PLCE1: variants seen among roughly 807,000 people sequenced by gnomAD.
PLCE1 encodes the protein 1-phosphatidylinositol 4,5-bisphosphate phosphodiesterase epsilon-1.
PLCE1 carries 119 observed loss-of-function variants against 242.8 expected under a neutral mutation model. The ratio of observed to expected loss-of-function variants is 0.49; its 90% CI spans 0.42 to 0.57. PLCE1 has a LOEUF of 0.57. PLCE1 is among the 20% of genes least tolerant of loss of function. PLCE1 has a pLI of 0.00. For synonymous variants in PLCE1, 945 were observed against 1,017.4 expected (o/e 0.93, Z 1.35); for missense variants, 2,441 against 2,788.8 (o/e 0.88, Z 2.81).
chr10:94,080,987 G>T (rs2044637850), intron 2 of PLCE1, among the ~76,000 whole-genome samples: 1 of 152,176 alleles, frequency 6.6e-6, no homozygotes, highest in Non-Finnish European at 1.5e-5. Context: ...ATTGCCACAT[G>T]AATTGTTGGA....
In PLCE1 at chr10:94,171,462, A is replaced by G. The variant is rs2047975328; in HGVS notation, c.1775A>G (p.Asn592Ser). ...CTTACCACTCAGAATGGAGAGCACA[A>G]TGCCCTTGAAGATCTGGTGATGAGG... ...SILTTQNGEHNALEDLVMRFN... is the reference protein window; with the variant it reads ...SILTTQNGEHSALEDLVMRFN... Residue 592 changes from asparagine to serine, a missense_variant, in exon 4 of 33, where the codon AAT becomes AGT. Around this residue, in one of 5 missense-constraint regions of PLCE1, gnomAD observed 733 missense variants for 754.2 expected, o/e 0.97. Coordinates refer to ENST00000371380, the MANE Select transcript of PLCE1 (RefSeq NM_016341.4). 6.2e-7 allele frequency: 1 copy of G among 1,614,170 alleles called. No individual in the cohort carries two copies.
intron 11 of PLCE1, 83 bp from the exon 12 acceptor site, chr10:94,258,717 T>C: frequency 6.4e-7 from 1 of 1,550,902 alleles, no homozygotes; most frequent in Non-Finnish European, 8.9e-7. Flanking sequence ...TTTGCTCATA[T>C]TGCTAATTGG....
chr10:94,208,486 C>G (rs983677363), intron 4 of PLCE1, among the ~76,000 whole-genome samples: 5 of 152,204 alleles, frequency 3.3e-5, no homozygotes, highest in African/African-American at 1.2e-4. Flanking sequence ...GTCCCCCGAC[C>G]AGCACATCAG....
intron 2 of PLCE1, among the ~76,000 whole-genome samples, chr10:94,103,617 T>G (rs1459879407): frequency 6.6e-6 from 1 of 152,210 alleles, no homozygotes; most frequent in Non-Finnish European, 1.5e-5. Context: ...AACTGCATGT[T>G]CTGCACATGT....
chr10:94,178,011 C>A (rs1398300341), intron 4 of PLCE1, among the ~76,000 whole-genome samples: 1 of 152,220 alleles, frequency 6.6e-6, no homozygotes, highest in Non-Finnish European at 1.5e-5. Flanking sequence ...TTAATATGTC[C>A]TTTGCTCTTG....
At chr10:94,166,538 C>G (rs2047808185) in intron 3 of PLCE1, among the ~76,000 whole-genome samples, 2 of 151,494 alleles carry the variant, frequency 1.3e-5, no homozygotes, top group Admixed American at 6.6e-5. Flanking sequence ...GGTATTCCTG[C>G]CTAACTCTTC....
At chr10:94,126,702 G>C (rs1590078573) in intron 2 of PLCE1, among the ~76,000 whole-genome samples, 1 of 152,144 alleles carries the variant, frequency 6.6e-6, no homozygotes, top group Admixed American at 6.5e-5. Flanking sequence ...TATTAACCTT[G>C]AGTTTCTCTC....
At chr10:94,070,258 C>T (rs2044313622) in intron 2 of PLCE1, among the ~76,000 whole-genome samples, 1 of 152,130 alleles carries the variant, frequency 6.6e-6, no homozygotes, top group Non-Finnish European at 1.5e-5. Context: ...TGCAATCAAT[C>T]AATAATCCCT....
intron 13 of PLCE1, among the ~76,000 whole-genome samples, chr10:94,260,898 T>G (rs1174268172): frequency 6.6e-6 from 1 of 152,108 alleles, no homozygotes; most frequent in Non-Finnish European, 1.5e-5. Flanking sequence ...TCCAATATAC[T>G]CTCTTCTACT....
At chr10:94,121,402 C>T (rs1225832124) in intron 2 of PLCE1, among the ~76,000 whole-genome samples, 1 of 152,116 alleles carries the variant, frequency 6.6e-6, no homozygotes, top group East Asian at 1.9e-4. Flanking sequence ...CTTCAGAATG[C>T]TACCAAATAG....
chr10:94,287,748 T>C (rs1029102167), intron 22 of PLCE1, among the ~76,000 whole-genome samples: 50 of 152,046 alleles, frequency 3.3e-4, no homozygotes, highest in African/African-American at 9.6e-4. Flanking sequence ...AAAAAGGATA[T>C]GGTATTTTTA....
At chr10:94,067,569 T>C (rs546415159) in intron 2 of PLCE1, among the ~76,000 whole-genome samples, 4 of 152,284 alleles carry the variant, frequency 2.6e-5, no homozygotes, top group African/African-American at 9.6e-5. Context: ...GCTGGTGATA[T>C]TTACAAAAGT....
chr10:94,125,594 C>T (rs962261934), intron 2 of PLCE1, among the ~76,000 whole-genome samples: 10 of 152,074 alleles, frequency 6.6e-5, no homozygotes, highest in African/African-American at 2.2e-4. Flanking sequence ...TAGAGCTGTT[C>T]TGCGGTTTAA....
chr10:94,255,866 C>G (rs2051053525), intron 11 of PLCE1, among the ~76,000 whole-genome samples: 1 of 143,652 alleles, frequency 7.0e-6, no homozygotes, highest in Non-Finnish European at 1.5e-5. Flanking sequence ...AACAGGAACT[C>G]TTTACTTTAT....
chr10:94,127,195 C>A (rs1844683406), intron 2 of PLCE1, among the ~76,000 whole-genome samples: 1 of 152,206 alleles, frequency 6.6e-6, no homozygotes, highest in Admixed American at 6.5e-5. Flanking sequence ...AAAGGACTCC[C>A]AAAACGTACC....
intron 4 of PLCE1, among the ~76,000 whole-genome samples, chr10:94,187,251 AACATGGGCATTAAATTCT>A (rs1371383317): frequency 6.6e-6 from 1 of 151,870 alleles, no homozygotes; most frequent in Non-Finnish European, 1.5e-5. Flanking sequence ...TGAATAAAGA[AACATGGGCATTAAATTCT>A]GGTTTGTTGG....
At chr10:94,230,171 G>T (rs955340967) in intron 5 of PLCE1, among the ~76,000 whole-genome samples, 10 of 152,068 alleles carry the variant, frequency 6.6e-5, no homozygotes, top group Admixed American at 3.9e-4. Context: ...CCACTAGTAA[G>T]AAGTACAAAT....
rs577345730 is a variant in PLCE1, at chr10:94,292,440, C to T, written c.5036-1068C>T. Among the ~76,000 whole-genome samples the T allele has an allele frequency of 5.9e-5, 9 of 152,202 alleles. No homozygotes were observed. In the South Asian group the frequency reaches 1.2e-3, roughly 21 times the overall value. On this transcript the variant is annotated intron_variant, in intron 22 of 32. Transcript: ENST00000371380. ...AGTATGATACAAATATTCCAAAATCCGAAGAAATCTGAAATCTGAAACACT... is the reference window on the plus strand; with the variant it reads ...AGTATGATACAAATATTCCAAAATCTGAAGAAATCTGAAATCTGAAACACT...
chr10:94,149,780 A>G (rs2047217877), intron 3 of PLCE1, among the ~76,000 whole-genome samples: 1 of 152,130 alleles, frequency 6.6e-6, no homozygotes, highest in African/African-American at 2.4e-5. Flanking sequence ...CAACAATGAT[A>G]AAACCCACTC....
Sources: allele counts gnomAD v4.1 joint callset (sites outside exome capture counted in the v4.1 genomes callset), GRCh38; gene constraint gnomAD v4.1.1; regional missense constraint gnomAD v4.1.1; transcripts MANE v1.5; gene names NCBI Gene and HGNC (gene_info 2026-07-23, HGNC 2026-07-21).